POLR1A: variants seen among roughly 807,000 people sequenced by gnomAD.
The protein encoded by POLR1A is RNA polymerase I subunit A, also known as DNA-directed RNA polymerase I subunit RPA1.
Under a neutral mutation model 205.3 loss-of-function variants are expected in POLR1A, and 84 were observed. The ratio of observed to expected loss-of-function variants is 0.41; its 90% confidence interval spans 0.34 to 0.49. The LOEUF (loss-of-function observed/expected upper bound fraction) is 0.49. POLR1A is among the 20% of genes least tolerant of loss of function. The pLI is 0.22. For synonymous variants in POLR1A, 799 were observed against 863.7 expected, an observed-to-expected ratio of 0.93 and a Z score of 1.31; for missense variants, 1,645 against 2,204.5, an observed-to-expected ratio of 0.75 and a Z score of 5.08.
At chr2:86,090,020 A>C in intron 3 of POLR1A, 91 bp from the exon 4 acceptor site, 2 of 701,036 alleles carry the variant, frequency 2.9e-6, no homozygotes, top group Non-Finnish European at 5.1e-6. Context: ...AGGGTGGAAA[A>C]GATTCATTTG....
rs1286239723 is a variant in POLR1A, at chr2:86,023,175, T to C, written c.*4248A>G. 5 of 152,234 alleles carry C rather than the reference T, an allele frequency of 3.3e-5. No homozygotes were observed. Among genetic ancestry groups the C allele is most frequent in the Admixed American group, 6.5e-5 (1 of 15,290 alleles). The allele number at this position is 152,234 out of a possible 1,614,324, so 9.4% of individuals were successfully genotyped here. A position where few individuals can be genotyped will look rare whatever the true frequency, so the allele number is the denominator to read the frequency against. On this transcript the variant is annotated 3_prime_UTR_variant, in exon 34 of 34. Transcript: ENST00000263857. ...TTTGGAATTTTTGACTGTAGCTATT[T>C]TGGTGGTTGTAATTGAAGTAAAACT...
intron 25 of POLR1A, chr2:86,040,157 GGATGC>G: frequency 2.6e-6 from 1 of 391,808 alleles, no homozygotes; most frequent in Non-Finnish European, 4.5e-6. Flanking sequence ...CCAGGAACGT[GGATGC>G]AGGAGTTGGC....
At chr2:86,052,780 CG>C (rs771103674) in intron 16 of POLR1A, 36 bp downstream of exon 16, 8 of 1,457,834 alleles carry the variant, frequency 5.5e-6, no homozygotes, top group Non-Finnish European at 7.3e-6. Flanking sequence ...GCTGCGCTGA[CG>C]GGTCACTGCC....
chr2:86,082,143 T>G (rs1673415815), intron 7 of POLR1A, among the ~76,000 whole-genome samples: 1 of 152,142 alleles, frequency 6.6e-6, no homozygotes, highest in Non-Finnish European at 1.5e-5. Context: ...GCCTCATTTT[T>G]CTTTATAAAA....
rs1431125445 is a variant in POLR1A at position 86,020,943 on chromosome 2, A to T, written c.*6480T>A. Reference sequence around the variant, plus strand: ...TTAATTTTACCACCATTTTACATAAAAGGAAACTGAAGTGCATTTCTTAGG... The same window carrying T: ...TTAATTTTACCACCATTTTACATAATAGGAAACTGAAGTGCATTTCTTAGG... On this transcript the variant is annotated 3_prime_UTR_variant, in exon 34 of 34. Coordinates refer to ENST00000263857, the MANE Select transcript of POLR1A (RefSeq NM_015425.6). 1 of 152,268 alleles carries T rather than the reference A, an allele frequency of 6.6e-6. No homozygotes were observed. The highest frequency in any genetic ancestry group is 2.4e-5 in the African/African-American group (1 of 41,462). 9.4% of individuals were successfully genotyped at this position (152,268 alleles called of 1,614,324 possible). A position where few individuals can be genotyped will look rare whatever the true frequency, so the allele number is the denominator to read the frequency against.
rs374726990 is a variant in POLR1A at position 86,054,279 on chromosome 2, G to A, written c.2069C>T (p.Thr690Met). The stretch of plus-strand genomic sequence containing the variant: ...CTCTGGGATTATATTTATGAGCAGC[G>A]TTGACACAACCTGCAAAGAAAAAGA... The part of the protein sequence containing the change: ...PLWTGKQVVS[T>M]LLINIIPEDH... Residue 690 changes from threonine (T) to methionine (M), a missense_variant, in exon 15 of 34, where the codon ACG (threonine) becomes ATG (methionine). Physicochemically the swap from Thr to Met is moderately conservative, Grantham distance 81 (BLOSUM62 -1). Transcript: ENST00000263857. 17 of 1,613,826 alleles carry A rather than the reference G, an allele frequency of 1.1e-5. No individual in the cohort carries two copies. The highest frequency in any genetic ancestry group is 6.7e-5 in the African/African-American group (5 of 74,900).
intron 1 of POLR1A, among the ~76,000 whole-genome samples, chr2:86,102,283 C>T (rs553338435): frequency 3.3e-5 from 5 of 152,344 alleles, no homozygotes; most frequent in African/African-American, 7.2e-5. Flanking sequence ...ACTTTCTCCA[C>T]ACCCTTGCCA....
intron 22 of POLR1A, among the ~76,000 whole-genome samples, chr2:86,043,609 A>T (rs1273821882): frequency 2.6e-5 from 4 of 152,086 alleles, no homozygotes; most frequent in African/African-American, 9.7e-5. Context: ...GACAGGTCAC[A>T]TCGGTTTCAG....
Position 86,030,216 on chromosome 2 carries a change from C to G in POLR1A, c.4759G>C (p.Glu1587Gln). 1 of 1,614,092 alleles carries G rather than the reference C, an allele frequency of 6.2e-7. No homozygotes were observed. The highest frequency in any genetic ancestry group is 8.5e-7 in the Non-Finnish European group (1 of 1,179,934). Residue 1587 changes from glutamate to glutamine, a missense_variant, in exon 31 of 34, where the codon GAG (glutamate) becomes CAG (glutamine). Glu to Gln is a conservative substitution (Grantham distance 29). Around this residue, in one of 16 missense-constraint regions of POLR1A, gnomAD observed 394 missense variants for 468.5 expected, o/e 0.84. Coordinates refer to ENST00000263857, the MANE Select transcript of POLR1A (RefSeq NM_015425.6). ...CTTACCTCTGCATACTTGAATAGCT[C>G]TGGGAGGTTGATTCCTTCTGTGTTT... Reference protein sequence around the residue: ...VLNTEGINLPELFKYAEVLDL... With the variant: ...VLNTEGINLPQLFKYAEVLDL...
Position 86,049,172 on chromosome 2 carries a change from G to A in POLR1A, c.2463C>T (p.His821=). The change falls in exon 17 of 34, where the codon CAC becomes CAT. Residue 821 remains histidine (H), a synonymous_variant. Transcript: ENST00000263857. Reference sequence around the variant, plus strand: ...AGTCCCTCCTTACCTGGGGCCCGCAGTGGGTGGATTCTTCAATGATACGTT... The same window carrying A: ...AGTCCCTCCTTACCTGGGGCCCGCAATGGGTGGATTCTTCAATGATACGTT... ...KRQRIIEEST[H]CGPQAVRAAL... The A allele has an allele frequency of 6.2e-7, 1 of 1,613,678 alleles. No homozygotes were observed. Among genetic ancestry groups the A allele is most frequent in the Non-Finnish European group, 8.5e-7 (1 of 1,179,542 alleles).
chr2:86,080,750 T>C (rs1673384987), intron 9 of POLR1A, 66 bp downstream of exon 9: 1 of 1,452,646 alleles, frequency 6.9e-7, no homozygotes, highest in Non-Finnish European at 9.3e-7. Flanking sequence ...AGTGTCTACA[T>C]CCACAGCTCA....
rs1268714739 is a variant in POLR1A at position 86,020,508 on chromosome 2, C to G, written c.*6915G>C. Reference sequence around the variant, plus strand: ...GGCTGCTGTGAGCCGTGATTGCAACCCTGCACTCCAGCCTGGGCAACAGAG... The same window carrying G: ...GGCTGCTGTGAGCCGTGATTGCAACGCTGCACTCCAGCCTGGGCAACAGAG... On this transcript the variant is annotated 3_prime_UTR_variant, in exon 34 of 34. Coordinates refer to ENST00000263857, the MANE Select transcript of POLR1A (RefSeq NM_015425.6). The G allele has an allele frequency of 6.9e-6, 1 of 145,348 alleles. No individual in the cohort carries two copies. Among genetic ancestry groups the G allele is most frequent in the African/African-American group, 2.7e-5 (1 of 37,418 alleles). The allele number at this position is 145,348 out of a possible 1,614,324, so 9.0% of individuals were successfully genotyped here. A position where few individuals can be genotyped will look rare whatever the true frequency, so the allele number is the denominator to read the frequency against.
rs1690158196 is a variant in POLR1A at position 86,022,226 on chromosome 2, A to C, written c.*5197T>G. ...CTGCAGGCCTCCAGGTTTCTGCTGG[A>C]AGCATCATCCCTTTCTTCTTTCAGG... On this transcript the variant is annotated 3_prime_UTR_variant, in exon 34 of 34. Transcript: ENST00000263857. The C allele has an allele frequency of 6.6e-6, 1 of 152,230 alleles. No individual in the cohort carries two copies. Among genetic ancestry groups the C allele is most frequent in the South Asian group, 2.1e-4 (1 of 4,826 alleles). 9.4% of individuals were successfully genotyped at this position (152,230 alleles called of 1,614,324 possible).
At chr2:86,038,063 C>G (rs1672531131) in intron 27 of POLR1A, among the ~76,000 whole-genome samples, 1 of 152,186 alleles carries the variant, frequency 6.6e-6, no homozygotes, top group Non-Finnish European at 1.5e-5. Flanking sequence ...TGCCCCAGTC[C>G]CCAAAAAGCC....
At chr2:86,076,235 C>CA (rs1673280747) in intron 11 of POLR1A, among the ~76,000 whole-genome samples, 1 of 152,216 alleles carries the variant, frequency 6.6e-6, no homozygotes, top group Non-Finnish European at 1.5e-5. Flanking sequence ...AGATGTCCTA[C>CA]ATAAAGGAAC....
Position 86,028,291 on chromosome 2 carries a change from G to A in POLR1A, c.4898-242C>T, listed in dbSNP as rs1430358624. ...CAGCACAGGAAATGAGGATCTAACC[G>A]CACTGTTTTCACTTGGGAACTGAAA... On this transcript the variant is annotated intron_variant, in intron 32 of 33. Coordinates refer to ENST00000263857, the MANE Select transcript of POLR1A (RefSeq NM_015425.6). This position sits in a 1 kb window ranked among gnomAD's most constrained non-coding sequence, Gnocchi z 4.5. Among the ~76,000 whole-genome samples, 1 of 152,184 alleles carries A rather than the reference G, an allele frequency of 6.6e-6. No homozygotes were observed. Among genetic ancestry groups the A allele is most frequent in the African/African-American group, 2.4e-5 (1 of 41,448 alleles).
intron 14 of POLR1A, among the ~76,000 whole-genome samples, chr2:86,063,877 C>T (rs1157898263): frequency 6.6e-6 from 1 of 152,176 alleles, no homozygotes; most frequent in Non-Finnish European, 1.5e-5. Flanking sequence ...AGTGGCATCC[C>T]ACAAATTTTG....
In POLR1A at chr2:86,027,167, C is replaced by G. The variant is rs1298205672; in HGVS notation, c.*256G>C. On this transcript the variant is annotated 3_prime_UTR_variant, in exon 34 of 34. Transcript: ENST00000263857. Reference sequence around the variant, plus strand: ...TGAGGCCCCAGCCATCTCAGGGGGACTCAGAAGACTTGGTAAACCTTGATA... The same window carrying G: ...TGAGGCCCCAGCCATCTCAGGGGGAGTCAGAAGACTTGGTAAACCTTGATA... 1.8e-6 allele frequency: 1 copy of G among 547,952 alleles called. No individual in the cohort carries two copies. The highest frequency in any genetic ancestry group is 3.1e-5 in the Admixed American group (1 of 32,600). The allele number at this position is 547,952 out of a possible 1,614,324, so 33.9% of individuals were successfully genotyped here.
rs535910211 is a variant in POLR1A at position 86,039,519 on chromosome 2, G to C, written c.3741-57C>G. ...AGTGGCAACCAGACCTTCTGTTTGG[G>C]TGCAGCTTCTCCTAATGATGTCAGA... On this transcript the variant is annotated intron_variant, in intron 25 of 33. Coordinates refer to ENST00000263857, the MANE Select transcript of POLR1A (RefSeq NM_015425.6). The C allele has an allele frequency of 3.1e-6, 5 of 1,598,612 alleles. No homozygotes were observed. The Admixed American group carries it at 6.7e-5, about 21-fold the overall frequency.
Sources: gnomAD v4.1 joint callset for allele counts (sites outside exome capture counted in the v4.1 genomes callset) on GRCh38, gnomAD v4.1.1 for gene constraint, gnomAD v4.1.1 regional missense constraint, Gnocchi (gnomAD v3.1) non-coding constraint, MANE v1.5 for transcripts, NCBI Gene and HGNC (gene_info 2026-07-23, HGNC 2026-07-21) for gene names.